The following MAMLD1 variants were observed in gnomAD, a reference collection of about 807,000 sequenced individuals.
MAMLD1 encodes mastermind-like domain-containing protein 1.
Under a neutral mutation model 45.0 loss-of-function variants are expected in MAMLD1, and 14 were observed. The ratio of observed to expected loss-of-function variants is 0.31; its 90% CI spans 0.21 to 0.49. The LOEUF is 0.49. MAMLD1 is among the 20% of genes least tolerant of loss of function. The pLI is 0.99. For synonymous variants in MAMLD1, 254 were observed against 247.8 expected (o/e 1.02, Z -0.24); for missense variants, 543 against 603.6 (o/e 0.90, Z 1.05).
At chrX:150,367,449 C>G (rs2124443183) in intron 1 of MAMLD1, among the ~76,000 whole-genome samples, 1 of 112,104 alleles carries the variant, frequency 8.9e-6, no homozygotes, top group South Asian at 3.8e-4. Flanking sequence ...CTAGGAAACT[C>G]AATTACTATT....
chrX:150,409,645 T>C (rs1468537220), intron 1 of MAMLD1, among the ~76,000 whole-genome samples: 2 of 111,870 alleles, frequency 1.8e-5, no homozygotes, highest in East Asian at 2.8e-4. Flanking sequence ...GGTGATAAAA[T>C]TAGCATCCAG....
chrX:150,411,992 G>A (rs2034134978), intron 1 of MAMLD1, among the ~76,000 whole-genome samples: 1 of 112,104 alleles, frequency 8.9e-6, no homozygotes, highest in African/African-American at 3.2e-5. Context: ...ATTTTTAAAA[G>A]TTAATGATTT....
chrX:150,469,795 G>A lies in MAMLD1; in HGVS notation c.222G>A (p.Met74Ile), dbSNP rs1396185489. The change falls in exon 4 of 8, where the codon ATG becomes ATA. Residue 74 changes from methionine to isoleucine, a missense_variant. Transcript: ENST00000370401. ...AAGACCACTTCCAGTTTCCAGACAT[G>A]GCTGATGGGGGCTACCCTAATAAAA... is the stretch of plus-strand genomic sequence containing the variant. ...QEEDHFQFPD[M>I]ADGGYPNKIK... The A allele has an allele frequency of 2.5e-6, 3 of 1,208,734 alleles. No individual in the cohort carries two copies. The African/African-American group carries it at 5.3e-5, about 21-fold the overall frequency.
chrX:150,412,336 T>A (rs1557402852), intron 1 of MAMLD1, among the ~76,000 whole-genome samples: 33 of 110,411 alleles, frequency 3.0e-4, no homozygotes, highest in African/African-American at 8.6e-4. Context: ...CCCTCCAGGC[T>A]TCCCCTAAGC....
At chrX:150,404,251 C>A (rs2124526487) in intron 1 of MAMLD1, among the ~76,000 whole-genome samples, 1 of 112,008 alleles carries the variant, frequency 8.9e-6, no homozygotes, top group South Asian at 3.8e-4. Flanking sequence ...TTCATTGGAT[C>A]TCTACTAAAG....
At chrX:150,437,206 G>A (rs1271651209) in intron 1 of MAMLD1, among the ~76,000 whole-genome samples, 1 of 111,704 alleles carries the variant, frequency 9.0e-6, no homozygotes, top group African/African-American at 3.3e-5. Flanking sequence ...ATTCACATGT[G>A]CCAGCAGCAG....
intron 1 of MAMLD1, among the ~76,000 whole-genome samples, chrX:150,386,809 ATT>A (rs56654011): frequency 6.6e-5 from 7 of 105,531 alleles, no homozygotes; most frequent in African/African-American, 1.7e-4. Context: ...CCTTTATGAC[ATT>A]TTTTTTTTTC....
At chrX:150,383,140 G>A (rs1557401918) in intron 1 of MAMLD1, among the ~76,000 whole-genome samples, 3 of 30,967 alleles carry the variant, frequency 9.7e-5, no homozygotes, top group East Asian at 1.0e-3. Context: ...TCCTGACCTC[G>A]TGATCCGCCC....
At chrX:150,465,341 T>C (rs2036184261) in intron 3 of MAMLD1, among the ~76,000 whole-genome samples, 1 of 112,590 alleles carries the variant, frequency 8.9e-6, no homozygotes, top group South Asian at 3.7e-4. Flanking sequence ...AGTTGCCATA[T>C]GTCATTGTTC....
At chrX:150,483,557 T>C (rs886147356) in intron 5 of MAMLD1, among the ~76,000 whole-genome samples, 3 of 112,750 alleles carry the variant, frequency 2.7e-5, no homozygotes, top group African/African-American at 6.4e-5. Flanking sequence ...TGAACCCATA[T>C]TCTTGCACTG....
At chrX:150,469,635 GTC>G (rs781945210) in intron 3 of MAMLD1, 108 bp from the exon 4 acceptor site, 54,844 of 257,425 alleles carry the variant, frequency 0.21, 114 homozygotes, top group East Asian at 0.34. Flanking sequence ...CTTTCTCTCT[GTC>G]TCTCTCTCTC....
intron 2 of MAMLD1, among the ~76,000 whole-genome samples, chrX:150,457,646 G>A (rs1164907726): frequency 8.9e-6 from 1 of 112,461 alleles, no homozygotes; most frequent in African/African-American, 3.2e-5. Context: ...GGCCACAAAA[G>A]GAACGGAGTA....
chrX:150,493,622 C>T (rs1207806881), intron 5 of MAMLD1, among the ~76,000 whole-genome samples: 1 of 111,573 alleles, frequency 9.0e-6, no homozygotes, highest in African/African-American at 3.3e-5. Flanking sequence ...TCCTGGCTTC[C>T]AAGAGCCAAC....
At chrX:150,475,332 G>A (rs1476509375) in intron 5 of MAMLD1, among the ~76,000 whole-genome samples, 2 of 111,539 alleles carry the variant, frequency 1.8e-5, no homozygotes, top group Admixed American at 1.9e-4. Flanking sequence ...GCCTCCCAAA[G>A]CACTGAGATT....
intron 1 of MAMLD1, among the ~76,000 whole-genome samples, chrX:150,437,228 C>T (rs2035150291): frequency 9.0e-6 from 1 of 111,730 alleles, no homozygotes; most frequent in African/African-American, 3.3e-5. Flanking sequence ...AGCAGAACGG[C>T]AGGGTGCACT....
chrX:150,442,393 C>G (rs1467809250), intron 1 of MAMLD1, among the ~76,000 whole-genome samples: 1 of 111,305 alleles, frequency 9.0e-6, no homozygotes, highest in African/African-American at 3.3e-5. Flanking sequence ...GTGGGTTACT[C>G]AAACAATGTT....
chrX:150,480,451 C>T (rs2036718180), intron 5 of MAMLD1, among the ~76,000 whole-genome samples: 1 of 111,720 alleles, frequency 9.0e-6, no homozygotes, highest in South Asian at 3.8e-4. Flanking sequence ...TTTATCATGC[C>T]GGCTGCACCC....
intron 5 of MAMLD1, among the ~76,000 whole-genome samples, chrX:150,494,814 G>C (rs1038372529): frequency 9.0e-6 from 1 of 111,620 alleles, no homozygotes; most frequent in Non-Finnish European, 1.9e-5. Context: ...CGCCAGGGAG[G>C]TGGAGGTTTC....
In MAMLD1 at chrX:150,450,572, G is replaced by C. The variant is rs184505981; in HGVS notation, c.96+4960G>C. Among the ~76,000 whole-genome samples the C allele has an allele frequency of 1.6e-3, 177 of 111,798 alleles. 1 individual carries two copies. The highest frequency in any genetic ancestry group is 4.7e-3 in the African/African-American group (145 of 30,753). On this transcript the variant is annotated intron_variant, in intron 2 of 7. Transcript: ENST00000370401. ...TCAGTAAAGTAGGGTTAATAACTCTGCTCTTTGCCTGCGTCAGGGTTTCTG... is the reference window on the plus strand; with the variant it reads ...TCAGTAAAGTAGGGTTAATAACTCTCCTCTTTGCCTGCGTCAGGGTTTCTG...
Sources: gnomAD v4.1 joint callset for allele counts (sites outside exome capture counted in the v4.1 genomes callset) on GRCh38, gnomAD v4.1.1 for gene constraint, MANE v1.5 for transcripts, NCBI Gene and HGNC (gene_info 2026-07-23, HGNC 2026-07-21) for gene names.